UBAC2: variants seen among roughly 807,000 people sequenced by gnomAD.
UBAC2 encodes UBA domain containing 2.
In UBAC2, 26 loss-of-function variants were observed where a neutral mutation model predicts 44.0. That is an observed-to-expected ratio of 0.59 (90% CI 0.43 to 0.82). UBAC2 has a LOEUF of 0.82. Ranked by LOEUF, UBAC2 falls within the 40% of genes least tolerant of loss-of-function variation. The pLI is 0.00. For missense variants in UBAC2, 329 were observed against 419.4 expected, an observed-to-expected ratio of 0.78 and a Z score of 1.88; for synonymous variants, 155 against 154.3, an observed-to-expected ratio of 1.00 and a Z score of -0.04.
At chr13:99,330,059 A>G (rs1286491221) in intron 6 of UBAC2, among the ~76,000 whole-genome samples, 2 of 152,176 alleles carry the variant, frequency 1.3e-5, no homozygotes, top group Admixed American at 1.3e-4. Flanking sequence ...CAGGTCTTGC[A>G]CATCTTTCAT....
chr13:99,279,609 T>C (rs947751652), intron 4 of UBAC2, among the ~76,000 whole-genome samples: 2 of 152,362 alleles, frequency 1.3e-5, no homozygotes, highest in East Asian at 3.9e-4. Context: ...CCTCACTGCC[T>C]TAGCCTGTTC....
intron 4 of UBAC2, among the ~76,000 whole-genome samples, chr13:99,262,800 A>ATATAATAGTG (rs2043686705): frequency 6.6e-6 from 1 of 151,782 alleles, no homozygotes; most frequent in East Asian, 1.9e-4. Flanking sequence ...ACATAAACCT[A>ATATAATAGTG]TATAATAGTG....
At chr13:99,267,721 G>T (rs2043762360) in intron 4 of UBAC2, among the ~76,000 whole-genome samples, 1 of 151,998 alleles carries the variant, frequency 6.6e-6, no homozygotes, top group African/African-American at 2.4e-5. Flanking sequence ...AGCATTCTTG[G>T]TCCCTGCTGT....
intron 4 of UBAC2, among the ~76,000 whole-genome samples, chr13:99,247,435 C>T (rs929787655): frequency 3.3e-5 from 5 of 150,826 alleles, no homozygotes; most frequent in Non-Finnish European, 7.4e-5. Flanking sequence ...AGGATGGTCT[C>T]GATCTCCTGA....
chr13:99,309,235 C>T (rs1470539419), intron 4 of UBAC2, among the ~76,000 whole-genome samples: 5 of 151,736 alleles, frequency 3.3e-5, no homozygotes, highest in East Asian at 2.0e-4. Flanking sequence ...CTCAGCCTCC[C>T]GAGTAGCTGG....
At chr13:99,368,434 A>G (rs970153335) in intron 8 of UBAC2, among the ~76,000 whole-genome samples, 7 of 152,244 alleles carry the variant, frequency 4.6e-5, no homozygotes, top group South Asian at 2.1e-4. Flanking sequence ...TGTACCGGAT[A>G]TACCCTCAGT....
chr13:99,344,896 G>T (rs1261453808), intron 7 of UBAC2, among the ~76,000 whole-genome samples: 1 of 152,216 alleles, frequency 6.6e-6, no homozygotes, highest in East Asian at 1.9e-4. Context: ...CCGTGAGTTT[G>T]TGGCCAACTT....
intron 4 of UBAC2, among the ~76,000 whole-genome samples, chr13:99,267,986 A>G (rs1009554766): frequency 1.3e-5 from 2 of 152,108 alleles, no homozygotes; most frequent in East Asian, 1.9e-4. Context: ...TTTCCTCAAC[A>G]TGTGCCTTCC....
At chr13:99,282,395 G>T (rs1401190358) in intron 4 of UBAC2, among the ~76,000 whole-genome samples, 1 of 152,204 alleles carries the variant, frequency 6.6e-6, no homozygotes, top group Non-Finnish European at 1.5e-5. Context: ...AATAGCTTTG[G>T]TTGAGGCTAT....
intron 6 of UBAC2, among the ~76,000 whole-genome samples, chr13:99,318,412 C>G (rs1430991885): frequency 6.6e-6 from 1 of 151,634 alleles, no homozygotes; most frequent in Non-Finnish European, 1.5e-5. Context: ...GGTGTTCTGC[C>G]CGCCTCAGCC....
chr13:99,233,705 CAGA>C (rs2142715102), intron 1 of UBAC2, among the ~76,000 whole-genome samples: 1 of 151,978 alleles, frequency 6.6e-6, no homozygotes, highest in African/African-American at 2.4e-5. Flanking sequence ...AGAATGAAGA[CAGA>C]AGGCCAGCTA....
chr13:99,304,701 A>C (rs2044306415), intron 4 of UBAC2, among the ~76,000 whole-genome samples: 1 of 152,152 alleles, frequency 6.6e-6, no homozygotes, highest in Non-Finnish European at 1.5e-5. Context: ...ATCCTCTCAG[A>C]ACTTTCACAA....
chr13:99,261,266 G>C (rs1167984714), intron 4 of UBAC2, among the ~76,000 whole-genome samples: 2 of 152,236 alleles, frequency 1.3e-5, no homozygotes, highest in South Asian at 4.1e-4. Flanking sequence ...AGAGTCCTCT[G>C]AACTAGAGGA....
At chr13:99,253,469 C>CT (rs942685164) in intron 4 of UBAC2, among the ~76,000 whole-genome samples, 29 of 150,496 alleles carry the variant, frequency 1.9e-4, no homozygotes, top group Middle Eastern at 3.4e-3. Flanking sequence ...TTGTGTTTAT[C>CT]TTTTTTTTTA....
intron 4 of UBAC2, among the ~76,000 whole-genome samples, chr13:99,257,074 GCCTT>G (rs2043575058): frequency 6.6e-6 from 1 of 152,096 alleles, no homozygotes; most frequent in Admixed American, 6.5e-5. Context: ...GTGCCTGTCT[GCCTT>G]CCTTCCTTTC....
chr13:99,264,852 C>T (rs1421111102), intron 4 of UBAC2, among the ~76,000 whole-genome samples: 1 of 152,072 alleles, frequency 6.6e-6, no homozygotes, highest in Non-Finnish European at 1.5e-5. Flanking sequence ...TTTCCTAAGT[C>T]CTCATCCCAG....
At chr13:99,344,847 CT>C (rs1319943927) in intron 7 of UBAC2, among the ~76,000 whole-genome samples, 37 of 152,196 alleles carry the variant, frequency 2.4e-4, no homozygotes, top group Admixed American at 2.4e-3. Context: ...GGTGGCTTCG[CT>C]GTGGGCACAA....
At chr13:99,334,852 G>GA (rs1005105805) in intron 6 of UBAC2, among the ~76,000 whole-genome samples, 3 of 151,380 alleles carry the variant, frequency 2.0e-5, no homozygotes, top group South Asian at 2.1e-4. Context: ...TAATTTAAAA[G>GA]AAAAAAAATT....
chr13:99,343,262 A>G (rs1410211952), intron 7 of UBAC2, among the ~76,000 whole-genome samples: 1 of 151,820 alleles, frequency 6.6e-6, no homozygotes, highest in African/African-American at 2.4e-5. Flanking sequence ...GTGCAGCAGC[A>G]GTTTATGCAA....
Sources: gnomAD v4.1 joint callset for allele counts (sites outside exome capture counted in the v4.1 genomes callset) on GRCh38, gnomAD v4.1.1 for gene constraint, MANE v1.5 for transcripts, NCBI Gene and HGNC (gene_info 2026-07-23, HGNC 2026-07-21) for gene names.